PAPSS2: variants seen among roughly 807,000 people sequenced by gnomAD.
The protein encoded by PAPSS2 is bifunctional 3'-phosphoadenosine 5'-phosphosulfate synthase 2.
Under a neutral mutation model 66.5 loss-of-function variants are expected in PAPSS2, and 61 were observed. The observed-to-expected ratio is 0.92, with a 90% CI of 0.75 to 1.14. The LOEUF is 1.14. Among genes scored for constraint, PAPSS2 ranks in the 50% most tolerant of loss-of-function variants. The probability of loss-of-function intolerance (pLI) is 0.00; values close to 1 mark genes in which losing one functional copy is unlikely to be tolerated. For synonymous variants in PAPSS2, 289 were observed against 287.5 expected, an observed-to-expected ratio of 1.01 and a Z score of -0.05; for missense variants, 708 against 789.6, an observed-to-expected ratio of 0.90 and a Z score of 1.24.
intron 1 of PAPSS2, among the ~76,000 whole-genome samples, chr10:87,688,973 A>G (rs1853127472): frequency 7.0e-6 from 1 of 142,082 alleles, no homozygotes; most frequent in Admixed American, 7.0e-5. Flanking sequence ...TAAAAAAAAA[A>G]ACTGTATGGA....
chr10:87,732,542 G>A (rs1018057255), intron 9 of PAPSS2, among the ~76,000 whole-genome samples: 2 of 151,682 alleles, frequency 1.3e-5, no homozygotes, highest in Non-Finnish European at 2.9e-5. Flanking sequence ...AAAAAGTTTA[G>A]ATAATATTAC....
intron 1 of PAPSS2, among the ~76,000 whole-genome samples, chr10:87,695,719 A>G (rs1234929868): frequency 6.6e-6 from 1 of 152,222 alleles, no homozygotes; most frequent in Non-Finnish European, 1.5e-5. Context: ...GGATGTGCGG[A>G]TACATAATTA....
At chr10:87,718,659 T>C (rs1008115005) in intron 7 of PAPSS2, among the ~76,000 whole-genome samples, 3 of 151,294 alleles carry the variant, frequency 2.0e-5, no homozygotes, top group African/African-American at 4.9e-5. Context: ...TACTCAGAAG[T>C]GCAGATCATG....
chr10:87,713,959 T>C, intron 3 of PAPSS2, 85 bp from the exon 4 acceptor site: 1 of 1,478,156 alleles, frequency 6.8e-7, no homozygotes, highest in South Asian at 1.1e-5. Flanking sequence ...CTCAAGGCTA[T>C]TGAAAACCAA....
At chr10:87,721,874 G>A in intron 8 of PAPSS2, 104 bp downstream of exon 8, 1 of 700,322 alleles carries the variant, frequency 1.4e-6, no homozygotes, top group South Asian at 1.9e-5. Flanking sequence ...ACATTAACCA[G>A]TTGGAATCGC....
chr10:87,665,049 C>A (rs1479985489), intron 1 of PAPSS2, among the ~76,000 whole-genome samples: 1 of 152,060 alleles, frequency 6.6e-6, no homozygotes, highest in African/African-American at 2.4e-5. Flanking sequence ...TCTTTGTGTG[C>A]TTGGTTATTT....
rs537124705 is a variant in PAPSS2 at position 87,708,252 on chromosome 10, T to G, written c.28-944T>G. Among the ~76,000 whole-genome samples, 16 of 152,354 alleles carry G rather than the reference T, an allele frequency of 1.1e-4. No homozygotes were observed. The South Asian group carries it at 3.3e-3, about 32-fold the overall frequency. On this transcript the variant is annotated intron_variant, in intron 1 of 12. Transcript: ENST00000456849. Reference sequence around the variant, plus strand: ...AGCCAAAATAAAGACATTTGATATTTAATTAGCTTCCAAACCTAATAACTA... The same window carrying G: ...AGCCAAAATAAAGACATTTGATATTGAATTAGCTTCCAAACCTAATAACTA...
At chr10:87,691,685 CTCAG>C (rs1419312277) in intron 1 of PAPSS2, among the ~76,000 whole-genome samples, 1 of 152,120 alleles carries the variant, frequency 6.6e-6, no homozygotes, top group Non-Finnish European at 1.5e-5. Flanking sequence ...GAGGAAGTTG[CTCAG>C]TCTGTCTGTA....
intron 9 of PAPSS2, among the ~76,000 whole-genome samples, chr10:87,727,989 C>T (rs572516575): frequency 6.6e-6 from 1 of 152,140 alleles, no homozygotes; most frequent in Admixed American, 6.5e-5. Flanking sequence ...TCTTAGTAAA[C>T]AAAAATCAGC....
intron 1 of PAPSS2, among the ~76,000 whole-genome samples, chr10:87,707,454 A>G (rs1185905652): frequency 6.6e-6 from 1 of 151,630 alleles, no homozygotes; most frequent in Non-Finnish European, 1.5e-5. Flanking sequence ...CATATCTGTC[A>G]TCTTATGTAA....
At chr10:87,673,896 T>C (rs1852912207) in intron 1 of PAPSS2, among the ~76,000 whole-genome samples, 1 of 152,000 alleles carries the variant, frequency 6.6e-6, no homozygotes, top group Non-Finnish European at 1.5e-5. Flanking sequence ...TATCTGAATT[T>C]TTGTTCTAGA....
At chr10:87,675,853 A>G (rs937252349) in intron 1 of PAPSS2, among the ~76,000 whole-genome samples, 7 of 152,132 alleles carry the variant, frequency 4.6e-5, no homozygotes, top group African/African-American at 1.7e-4. Context: ...CAGGCTTGAG[A>G]ACCTCAGCCT....
chr10:87,693,314 T>G (rs748320389), intron 1 of PAPSS2, among the ~76,000 whole-genome samples: 2 of 152,184 alleles, frequency 1.3e-5, no homozygotes, highest in African/African-American at 2.4e-5. Context: ...TTTCTTAGCC[T>G]TAGGAATCTG....
intron 1 of PAPSS2, among the ~76,000 whole-genome samples, chr10:87,679,962 G>A (rs933429951): frequency 1.3e-5 from 2 of 151,250 alleles, no homozygotes; most frequent in Non-Finnish European, 2.9e-5. Context: ...GAAGGTCAAG[G>A]CTGCAGTGAG....
chr10:87,727,504 C>A lies in PAPSS2; in HGVS notation c.1086+15C>A. ...CCCATATCAAAGTAAGTCACAAAAC[C>A]TTTGGAAGGACTTTCTTGAGCTATT... is the stretch of plus-strand genomic sequence containing the variant. On this transcript the variant is annotated intron_variant, in intron 9 of 12. Transcript: ENST00000456849. 1 of 1,595,196 alleles carries A rather than the reference C, an allele frequency of 6.3e-7. No individual in the cohort carries two copies. The highest frequency in any genetic ancestry group is 8.6e-7 in the Non-Finnish European group (1 of 1,166,150).
At chr10:87,708,931 G>A (rs985703968) in intron 1 of PAPSS2, among the ~76,000 whole-genome samples, 10 of 152,130 alleles carry the variant, frequency 6.6e-5, no homozygotes, top group African/African-American at 2.4e-4. Flanking sequence ...AACATTAAGT[G>A]AATGCAGAAT....
intron 1 of PAPSS2, among the ~76,000 whole-genome samples, chr10:87,692,179 G>A (rs1005074333): frequency 9.2e-5 from 14 of 152,160 alleles, no homozygotes; most frequent in African/African-American, 2.7e-4. Context: ...AGAAGTGTGG[G>A]TCATCGCTAG....
intron 1 of PAPSS2, among the ~76,000 whole-genome samples, chr10:87,706,108 A>ATATATGTGTGTGTGTGTGTGTGTG: frequency 1.9e-5 from 1 of 51,996 alleles, no homozygotes; most frequent in African/African-American, 1.0e-4. Flanking sequence ...ATATATATAT[A>ATATATGTGTGTGTGTGTGTGTGTG]TGTGTGTGTG....
chr10:87,706,108 A>ATATATATATATGTG, intron 1 of PAPSS2, among the ~76,000 whole-genome samples: 13 of 52,024 alleles, frequency 2.5e-4, no homozygotes, highest in African/African-American at 9.0e-4. Flanking sequence ...ATATATATAT[A>ATATATATATATGTG]TGTGTGTGTG....
Sources: allele counts gnomAD v4.1 joint callset (sites outside exome capture counted in the v4.1 genomes callset), GRCh38; gene constraint gnomAD v4.1.1; transcripts MANE v1.5; gene names NCBI Gene and HGNC (gene_info 2026-07-23, HGNC 2026-07-21).